Variants in TTC39A observed in about 807,000 individuals in gnomAD.
TTC39A encodes the protein tetratricopeptide repeat domain 39A.
In TTC39A, 46 loss-of-function variants were observed where a neutral mutation model predicts 82.3. The observed-to-expected ratio is 0.56, with a 90% confidence interval of 0.44 to 0.71. The LOEUF is 0.71. Among genes scored for constraint, TTC39A ranks in the 30% least tolerant of loss-of-function variants. The probability of loss-of-function intolerance (pLI) is 0.00; values close to 1 mark genes in which losing one functional copy is unlikely to be tolerated. For synonymous variants in TTC39A, 254 were observed against 275.2 expected, an observed-to-expected ratio of 0.92 and a Z score of 0.76; for missense variants, 543 against 712.9, an observed-to-expected ratio of 0.76 and a Z score of 2.71.
Position 51,288,748 on chromosome 1 carries a change from C to G in TTC39A, c.1610+91G>C. 1 of 1,249,674 alleles carries G rather than the reference C, an allele frequency of 8.0e-7. No homozygotes were observed. The highest frequency in any genetic ancestry group is 1.4e-5 in the South Asian group (1 of 73,848). 77.4% of individuals were successfully genotyped at this position (1,249,674 alleles called of 1,614,324 possible). On this transcript the variant is annotated intron_variant, in intron 17 of 17. Transcript: ENST00000680483. This position sits in a 1 kb window ranked among gnomAD's most constrained non-coding sequence, Gnocchi z 4.8. ...CAGACTGGCCTTGCTAGCAACTCCA[C>G]TCACTGCTCTCTGGGCAACTCTGTC...
At chr1:51,331,412 C>G (rs1645908942), upstream of TTC39A, 9 of 1,450,452 alleles carry the variant, frequency 6.2e-6, no homozygotes, top group South Asian at 1.1e-4. Flanking sequence ...CTGCTCTTAA[C>G]CATGACTCAT....
chr1:51,311,636 C>T (rs1018897204), intron 4 of TTC39A, among the ~76,000 whole-genome samples: 4 of 152,108 alleles, frequency 2.6e-5, no homozygotes, highest in Admixed American at 6.6e-5. Flanking sequence ...TCACTGCTTG[C>T]GGTCAGCCAC....
chr1:51,324,352 C>A (rs1645635331), intron 1 of TTC39A, among the ~76,000 whole-genome samples: 1 of 152,154 alleles, frequency 6.6e-6, no homozygotes, highest in African/African-American at 2.4e-5. Flanking sequence ...TCTTTCCCAT[C>A]TGTTGAGTGG....
intron 6 of TTC39A, among the ~76,000 whole-genome samples, chr1:51,306,410 T>A (rs529659393): frequency 1.3e-3 from 204 of 152,166 alleles, no homozygotes; most frequent in African/African-American, 4.8e-3. Context: ...TTGGTGGGGG[T>A]GGCAGGGGAG....
chr1:51,290,169 C>A (rs1307242244), intron 15 of TTC39A, 50 bp from the exon 16 acceptor site: 3 of 1,557,684 alleles, frequency 1.9e-6, no homozygotes, highest in Non-Finnish European at 2.6e-6. Context: ...ATTTCTGCAG[C>A]AGTTACTTAT....
At chr1:51,322,713 C>T (rs148732628) in intron 1 of TTC39A, among the ~76,000 whole-genome samples, 8 of 152,136 alleles carry the variant, frequency 5.3e-5, no homozygotes, top group Non-Finnish European at 8.8e-5. Flanking sequence ...AGAAGCCCTG[C>T]CTATTTGATG....
intron 2 of TTC39A, among the ~76,000 whole-genome samples, chr1:51,313,318 C>T (rs955321952): frequency 6.6e-6 from 1 of 152,178 alleles, no homozygotes; most frequent in Non-Finnish European, 1.5e-5. Flanking sequence ...GCCCCCACCT[C>T]CTGCAGGCTG....
Position 51,316,183 on chromosome 1 carries a change from C to T in TTC39A, c.147-3240G>A, listed in dbSNP as rs190869726. ...GGAGCCCCAGCACCCAGCACACTGC[C>T]GGGCCCAGGAGGGCGCTCAAAGGCT... On this transcript the variant is annotated intron_variant, in intron 2 of 17. Coordinates refer to ENST00000680483, the MANE Select transcript of TTC39A (RefSeq NM_001297663.2). Among the ~76,000 whole-genome samples the T allele has an allele frequency of 6.3e-4, 96 of 152,310 alleles. 3 individuals carry two copies. The highest frequency in any genetic ancestry group is 2.3e-3 in the African/African-American group (94 of 41,562).
At chr1:51,296,509 G>A (rs912552060) in intron 12 of TTC39A, among the ~76,000 whole-genome samples, 2 of 152,254 alleles carry the variant, frequency 1.3e-5, no homozygotes, top group South Asian at 4.1e-4. Context: ...CCCCTGAAGG[G>A]CAATGGGGAA....
chr1:51,334,492 A>T (rs1457155064), upstream of TTC39A, among the ~76,000 whole-genome samples: 1 of 151,970 alleles, frequency 6.6e-6, no homozygotes, highest in East Asian at 1.9e-4. Flanking sequence ...AACAAGAGTG[A>T]AACTCCATCT....
chr1:51,308,397 G>A (rs983114680), intron 6 of TTC39A, among the ~76,000 whole-genome samples: 6 of 151,966 alleles, frequency 3.9e-5, no homozygotes, highest in South Asian at 2.1e-4. Flanking sequence ...CTGCCACCAC[G>A]CCCTGCTAAT....
chr1:51,325,383 C>T (rs1233216915), intron 1 of TTC39A, among the ~76,000 whole-genome samples: 1 of 152,180 alleles, frequency 6.6e-6, no homozygotes, highest in Non-Finnish European at 1.5e-5. Context: ...TGGTCCCTGC[C>T]CCTCTCTTCA....
At chr1:51,305,003 C>G in intron 8 of TTC39A, 78 bp downstream of exon 8, 1 of 1,520,956 alleles carries the variant, frequency 6.6e-7, no homozygotes, top group Non-Finnish European at 9.1e-7. Context: ...GCCCTGTGGC[C>G]TGTCAGCCCC....
At chr1:51,290,889 C>T (rs142976826) in intron 14 of TTC39A, among the ~76,000 whole-genome samples, 3 of 152,256 alleles carry the variant, frequency 2.0e-5, no homozygotes, top group East Asian at 1.9e-4. Flanking sequence ...CTCATAGCTG[C>T]CCAAGTTTTC....
intron 1 of TTC39A, 187 bp from the exon 2 acceptor site, chr1:51,322,012 C>T (rs930811011): frequency 6.9e-7 from 1 of 1,456,096 alleles, no homozygotes; most frequent in African/African-American, 1.4e-5. Flanking sequence ...TTGGTGTTCC[C>T]AAGGGTGGGA....
At chr1:51,308,797 G>A (rs530202309) in intron 6 of TTC39A, among the ~76,000 whole-genome samples, 1 of 152,304 alleles carries the variant, frequency 6.6e-6, no homozygotes, top group African/African-American at 2.4e-5. Context: ...GTGTATGTGT[G>A]TGTGTGTGCG....
intron 5 of TTC39A, among the ~76,000 whole-genome samples, chr1:51,310,039 C>T (rs1464758003): frequency 2.6e-5 from 4 of 151,800 alleles, no homozygotes; most frequent in Admixed American, 6.6e-5. Flanking sequence ...CCAAGGTGGG[C>T]GCATCACTTG....
intron 2 of TTC39A, among the ~76,000 whole-genome samples, chr1:51,320,225 G>A (rs145313659): frequency 2.5e-3 from 387 of 152,140 alleles, no homozygotes; most frequent in African/African-American, 8.8e-3. Context: ...ATGATCTGAT[G>A]GAGTGGTTAT....
chr1:51,333,298 T>G (rs1645936493), upstream of TTC39A, among the ~76,000 whole-genome samples: 1 of 152,006 alleles, frequency 6.6e-6, no homozygotes, highest in Non-Finnish European at 1.5e-5. Flanking sequence ...ATTTCATGTT[T>G]AGGCTTGGAC....
Sources: allele counts gnomAD v4.1 joint callset (sites outside exome capture counted in the v4.1 genomes callset), GRCh38; gene constraint gnomAD v4.1.1; non-coding constraint Gnocchi (gnomAD v3.1); transcripts MANE v1.5; gene names NCBI Gene and HGNC (gene_info 2026-07-23, HGNC 2026-07-21).